The following LPP variants were observed in gnomAD, a reference collection of about 807,000 sequenced individuals.
LPP encodes LIM domain containing preferred translocation partner in lipoma, also known as lipoma-preferred partner.
A neutral mutation model predicts 60.4 loss-of-function variants in LPP; 38 were observed. The observed-to-expected ratio is 0.63, with a 90% CI of 0.49 to 0.83. The LOEUF (loss-of-function observed/expected upper bound fraction) is 0.83. LPP is among the 40% of genes least tolerant of loss of function. The pLI, the probability that LPP is intolerant of heterozygous loss-of-function variation, is 0.00. For synonymous variants in LPP, 328 were observed against 290.8 expected, an observed-to-expected ratio of 1.13 and a Z score of -1.30; for missense variants, 902 against 783.6, an observed-to-expected ratio of 1.15 and a Z score of -1.80.
intron 4 of LPP, among the ~76,000 whole-genome samples, chr3:188,408,036 C>T (rs1027000482): frequency 6.6e-6 from 1 of 152,048 alleles, no homozygotes; most frequent in Non-Finnish European, 1.5e-5. Flanking sequence ...GATCTGCCAG[C>T]CTCGGCTTCC....
chr3:188,634,139 A>G, intron 7 of LPP, among the ~76,000 whole-genome samples: 1 of 152,224 alleles, frequency 6.6e-6, no homozygotes, highest in East Asian at 1.9e-4. Context: ...CAGATTCTGG[A>G]ATCAAAGCTC....
chr3:188,353,526 C>G (rs1381396921), intron 3 of LPP, among the ~76,000 whole-genome samples: 3 of 152,202 alleles, frequency 2.0e-5, no homozygotes, highest in African/African-American at 7.2e-5. Context: ...AAATTTACCT[C>G]TAGGAACAGG....
At chr3:188,801,637 C>G (rs151229641) in intron 9 of LPP, among the ~76,000 whole-genome samples, 163 of 152,260 alleles carry the variant, frequency 1.1e-3, no homozygotes, top group African/African-American at 3.8e-3. Flanking sequence ...CTAGTTAGTA[C>G]CAGAGTGGTA....
intron 7 of LPP, among the ~76,000 whole-genome samples, chr3:188,659,584 G>T (rs6444316): frequency 0.033 from 4,965 of 152,208 alleles, 270 homozygotes; most frequent in African/African-American, 0.11. Context: ...AGGCAAGCAG[G>T]CAAGTTGGTA....
chr3:188,319,970 A>AAC (rs1473102905), intron 2 of LPP, among the ~76,000 whole-genome samples: 1 of 152,162 alleles, frequency 6.6e-6, no homozygotes, highest in Non-Finnish European at 1.5e-5. Context: ...TTTTTAGTGT[A>AAC]ACGGTCAGGT....
intron 6 of LPP, among the ~76,000 whole-genome samples, chr3:188,602,836 A>G (rs984276609): frequency 6.6e-6 from 1 of 151,522 alleles, no homozygotes; most frequent in Non-Finnish European, 1.5e-5. Flanking sequence ...ACTAAATTCT[A>G]AACAGTGGTA....
intron 4 of LPP, among the ~76,000 whole-genome samples, chr3:188,467,443 T>C (rs908984693): frequency 2.6e-5 from 4 of 152,132 alleles, no homozygotes; most frequent in Admixed American, 2.6e-4. Context: ...TAGCACTATG[T>C]GCAGACTTCC....
intron 2 of LPP, among the ~76,000 whole-genome samples, chr3:188,326,843 G>A (rs759914531): frequency 3.3e-5 from 5 of 152,060 alleles, no homozygotes; most frequent in African/African-American, 4.8e-5. Flanking sequence ...TTAGTATTGT[G>A]AGGGCATTCT....
At chr3:188,727,732 A>G (rs906199803) in intron 8 of LPP, among the ~76,000 whole-genome samples, 20 of 152,220 alleles carry the variant, frequency 1.3e-4, no homozygotes, top group African/African-American at 3.9e-4. Flanking sequence ...AGCTGGTCTT[A>G]CTTAATGCTC....
intron 2 of LPP, among the ~76,000 whole-genome samples, chr3:188,292,276 A>G (rs1249690845): frequency 6.6e-6 from 1 of 152,230 alleles, no homozygotes; most frequent in African/African-American, 2.4e-5. Context: ...GGATGGGCAT[A>G]TTACAGAGGG....
rs191608738 is a variant in LPP at position 188,187,500 on chromosome 3, T to C, written c.-190+33248T>C. On this transcript the variant is annotated intron_variant, in intron 1 of 11. Coordinates refer to ENST00000617246, the MANE Select transcript of LPP (RefSeq NM_001375462.1). ...AATTTCTTCTTATTTCTTAAAATTT[T>C]AGGCTGTATTTTGTTTTTGTTGAGA... Among the ~76,000 whole-genome samples the C allele has an allele frequency of 5.9e-5, 9 of 152,280 alleles. No individual in the cohort carries two copies. The East Asian group carries it at 1.7e-3, about 29-fold the overall frequency.
At chr3:188,602,090 ACACACACATATACATATACACACACACAC>A in intron 6 of LPP, among the ~76,000 whole-genome samples, 1 of 136,660 alleles carries the variant, frequency 7.3e-6, no homozygotes, top group Non-Finnish European at 1.5e-5. Context: ...ATATATATAT[ACACACACATATACATATACACACACACAC>A]ATATATATAG....
rs1228862148 is a variant in LPP at position 188,304,528 on chromosome 3, T to C, written c.-66-37135T>C. 2.0e-5 allele frequency among the ~76,000 whole-genome samples: 3 copies of C among 152,178 alleles called. No homozygotes were observed. The East Asian group carries it at 5.8e-4, about 29-fold the overall frequency. The stretch of plus-strand genomic sequence containing the variant: ...TCTCTCCCCTTTAAATCTCACAGCT[T>C]TTTGCTCATATACCTCTTGTGTACT... On this transcript the variant is annotated intron_variant, in intron 2 of 11. Transcript: ENST00000617246.
chr3:188,307,336 A>G (rs1751857470), intron 2 of LPP, among the ~76,000 whole-genome samples: 1 of 152,198 alleles, frequency 6.6e-6, no homozygotes, highest in Non-Finnish European at 1.5e-5. Flanking sequence ...CCTTAAAAAC[A>G]GTGTTGTCCA....
chr3:188,302,023 G>A (rs1750055163), intron 2 of LPP, among the ~76,000 whole-genome samples: 1 of 151,840 alleles, frequency 6.6e-6, no homozygotes, highest in Non-Finnish European at 1.5e-5. Context: ...ACATTCTCAG[G>A]GAGTTTAGAG....
At chr3:188,771,135 ATAT>A (rs879785994) in intron 9 of LPP, among the ~76,000 whole-genome samples, 2 of 152,326 alleles carry the variant, frequency 1.3e-5, no homozygotes, top group Admixed American at 1.3e-4. Flanking sequence ...TAATTCTATA[ATAT>A]TGTACAATTC....
intron 8 of LPP, among the ~76,000 whole-genome samples, chr3:188,734,128 TTC>T (rs1472779143): frequency 6.6e-6 from 1 of 152,210 alleles, no homozygotes; most frequent in Non-Finnish European, 1.5e-5. Context: ...TCATTTATAT[TTC>T]TCTGTCTCTT....
chr3:188,603,551 G>T (rs576934096), intron 6 of LPP, among the ~76,000 whole-genome samples: 1 of 152,006 alleles, frequency 6.6e-6, no homozygotes. Flanking sequence ...ATTGGTTTCC[G>T]TCTCAGGAGT....
intron 9 of LPP, among the ~76,000 whole-genome samples, chr3:188,803,192 G>A (rs957652864): frequency 1.3e-5 from 2 of 151,822 alleles, no homozygotes; most frequent in African/African-American, 4.8e-5. Context: ...TTACAGGCTT[G>A]CACCACCACA....
Sources: gnomAD v4.1 joint callset for allele counts (sites outside exome capture counted in the v4.1 genomes callset) on GRCh38, gnomAD v4.1.1 for gene constraint, MANE v1.5 for transcripts, NCBI Gene and HGNC (gene_info 2026-07-23, HGNC 2026-07-21) for gene names.